Variants in FAM171A1 observed in about 807,000 individuals in gnomAD.
FAM171A1 encodes protein FAM171A1.
Under a neutral mutation model 74.9 loss-of-function variants are expected in FAM171A1, and 23 were observed. The observed-to-expected ratio is 0.31, with a 90% CI of 0.22 to 0.44. The LOEUF is 0.44. Ranked by LOEUF, FAM171A1 falls within the 20% of genes least tolerant of loss-of-function variation. The pLI, the probability that FAM171A1 is intolerant of heterozygous loss-of-function variation, is 1.00. For missense variants in FAM171A1, 1,162 were observed against 1,159.2 expected, an observed-to-expected ratio of 1.00 and a Z score of -0.03; for synonymous variants, 527 against 505.7, an observed-to-expected ratio of 1.04 and a Z score of -0.57.
intron 3 of FAM171A1, among the ~76,000 whole-genome samples, chr10:15,255,581 A>G (rs1834569056): frequency 1.3e-5 from 2 of 152,062 alleles, no homozygotes; most frequent in South Asian, 4.1e-4. Flanking sequence ...TTGGGCTGAC[A>G]GGCCCTAGAC....
intron 1 of FAM171A1, among the ~76,000 whole-genome samples, chr10:15,348,765 G>A (rs1000027271): frequency 5.3e-5 from 8 of 152,194 alleles, no homozygotes; most frequent in East Asian, 1.9e-4. Context: ...GCTTCGTGAC[G>A]CAGTTGAGCA....
Position 15,213,014 on chromosome 10 carries a change from C to G in FAM171A1, c.2574G>C (p.Glu858Asp). The change falls in exon 8 of 8, where the codon GAG (glutamate) becomes GAC (aspartate). Residue 858 changes from glutamate (E) to aspartate (D), a missense_variant. Physicochemically the swap from Glu to Asp is conservative, Grantham distance 45. Transcript: ENST00000378116. The surrounding 1 kb of genome is among the most constrained non-coding windows in gnomAD (Gnocchi z 6.8). The part of the protein sequence containing the change: ...ASPHQRRSAH[E>D]EEEDDDDDDQ... ...CATCATCATCATCGTCTTCCTCTTCCTCGTGGGCAGATCTTCTCTGGTGGG... is the reference window on the plus strand; with the variant it reads ...CATCATCATCATCGTCTTCCTCTTCGTCGTGGGCAGATCTTCTCTGGTGGG... 1 of 1,614,062 alleles carries G rather than the reference C, an allele frequency of 6.2e-7. No individual in the cohort carries two copies.
At chr10:15,287,851 T>C (rs1039347005) in intron 1 of FAM171A1, among the ~76,000 whole-genome samples, 2 of 152,198 alleles carry the variant, frequency 1.3e-5, no homozygotes, top group African/African-American at 4.8e-5. Context: ...TCTGAGATTC[T>C]GGTGCGCCCA....
rs10533763 is a variant in FAM171A1, at chr10:15,284,417, C to CGT, written c.98-314_98-313dup. 1.5e-3 allele frequency among the ~76,000 whole-genome samples: 221 copies of CGT among 150,452 alleles called. 1 individual carries two copies. The highest frequency in any genetic ancestry group is 3.8e-3 in the Admixed American group (57 of 15,118). ...ACATTGGGCAACCAATGCAATACTTCGTGTGTGTGTGTGTGTGTGTGTTTT... is the reference window on the plus strand; with the variant it reads ...ACATTGGGCAACCAATGCAATACTTCGTGTGTGTGTGTGTGTGTGTGTGTTTT... On this transcript the variant is annotated intron_variant, in intron 1 of 7. Transcript: ENST00000378116.
chr10:15,220,854 C>A, intron 6 of FAM171A1, 90 bp downstream of exon 6: 1 of 911,534 alleles, frequency 1.1e-6, no homozygotes, highest in Non-Finnish European at 1.7e-6. Flanking sequence ...GATCGCCCTG[C>A]TGAAGTTATT....
At chr10:15,302,756 C>T (rs966204664) in intron 1 of FAM171A1, among the ~76,000 whole-genome samples, 2 of 152,138 alleles carry the variant, frequency 1.3e-5, no homozygotes, top group African/African-American at 4.8e-5. Flanking sequence ...TTGCCAGTTG[C>T]CACTCATTTA....
At chr10:15,243,347 T>C (rs1397717427) in intron 5 of FAM171A1, among the ~76,000 whole-genome samples, 1 of 152,046 alleles carries the variant, frequency 6.6e-6, no homozygotes, top group Non-Finnish European at 1.5e-5. Context: ...AGATTCTTCA[T>C]CACTTCCACC....
intron 3 of FAM171A1, among the ~76,000 whole-genome samples, chr10:15,267,414 C>G (rs182316268): frequency 1.3e-5 from 2 of 152,016 alleles, no homozygotes; most frequent in Admixed American, 1.3e-4. Flanking sequence ...GCCATCCTGG[C>G]CAACATGGTG....
Position 15,214,430 on chromosome 10 carries a change from C to A in FAM171A1, c.1158G>T (p.Glu386Asp). 2 of 1,614,136 alleles carry A rather than the reference C, an allele frequency of 1.2e-6. No individual in the cohort carries two copies. Among genetic ancestry groups the A allele is most frequent in the South Asian group, 2.2e-5 (2 of 91,058 alleles). ...TCATCAGTTCCTTCGTGCCGGGGGCCTCGGGGCGGCCGTGGCTGGTGACGG... is the reference window on the plus strand; with the variant it reads ...TCATCAGTTCCTTCGTGCCGGGGGCATCGGGGCGGCCGTGGCTGGTGACGG... ...PLSVTSHGRP[E>D]APGTKELMSG... is the part of the protein sequence containing the mutation. Residue 386 changes from glutamate (E) to aspartate (D), a missense_variant, in exon 8 of 8, where the codon GAG becomes GAT. By Grantham distance (45) the Glu-to-Asp change is conservative. Transcript: ENST00000378116.
intron 5 of FAM171A1, among the ~76,000 whole-genome samples, chr10:15,223,270 G>T (rs74370321): frequency 9.2e-5 from 14 of 152,320 alleles, no homozygotes; most frequent in Non-Finnish European, 1.8e-4. Context: ...TCCTACTCCC[G>T]CTCCAGGCTT....
At chr10:15,255,912 T>C (rs953571630) in intron 3 of FAM171A1, among the ~76,000 whole-genome samples, 1 of 152,098 alleles carries the variant, frequency 6.6e-6, no homozygotes, top group Non-Finnish European at 1.5e-5. Flanking sequence ...CCTCCCAAAG[T>C]GTTGGGATTA....
intron 1 of FAM171A1, among the ~76,000 whole-genome samples, chr10:15,328,795 A>G (rs901052345): frequency 5.3e-5 from 8 of 152,296 alleles, no homozygotes; most frequent in African/African-American, 1.9e-4. Flanking sequence ...TTTAGGCCCC[A>G]CCAAATACAG....
intron 5 of FAM171A1, among the ~76,000 whole-genome samples, chr10:15,222,088 A>G (rs1834045800): frequency 1.3e-5 from 2 of 152,138 alleles, no homozygotes; most frequent in African/African-American, 2.4e-5. Context: ...AGGCTGGGCG[A>G]ACCTCTAGAC....
At chr10:15,335,635 C>T (rs1588560107) in intron 1 of FAM171A1, among the ~76,000 whole-genome samples, 2 of 152,162 alleles carry the variant, frequency 1.3e-5, no homozygotes, top group African/African-American at 4.8e-5. Context: ...AATAAAGATG[C>T]TGAACTTGTT....
At chr10:15,351,173 G>C (rs1835872146) in intron 1 of FAM171A1, among the ~76,000 whole-genome samples, 1 of 152,124 alleles carries the variant, frequency 6.6e-6, no homozygotes, top group Non-Finnish European at 1.5e-5. Flanking sequence ...TTTTATCTTT[G>C]CTCAGATCAG....
chr10:15,324,912 G>A (rs932733315), intron 1 of FAM171A1, among the ~76,000 whole-genome samples: 6 of 152,198 alleles, frequency 3.9e-5, no homozygotes, highest in African/African-American at 1.4e-4. Context: ...AGAAACATGT[G>A]CAGTGACTCG....
chr10:15,368,173 C>A (rs1836089037), intron 1 of FAM171A1, among the ~76,000 whole-genome samples: 1 of 152,214 alleles, frequency 6.6e-6, no homozygotes, highest in South Asian at 2.1e-4. Flanking sequence ...ACAAAGCCAA[C>A]CCTTACCGTG....
In FAM171A1 at chr10:15,366,212, C is replaced by T. The variant is rs1212000132; in HGVS notation, c.97+4744G>A. Among the ~76,000 whole-genome samples the T allele has an allele frequency of 4.6e-5, 7 of 152,094 alleles. No individual in the cohort carries two copies. In the East Asian group the frequency reaches 1.3e-3, roughly 29 times the overall value. On this transcript the variant is annotated intron_variant, in intron 1 of 7. Coordinates refer to ENST00000378116, the MANE Select transcript of FAM171A1 (RefSeq NM_001010924.2). Reference sequence around the variant, plus strand: ...TCTACTCACTACAACCTCTGCCTCCCGAGTTCAAGCAATTGTCCTGCCTTA... The same window carrying T: ...TCTACTCACTACAACCTCTGCCTCCTGAGTTCAAGCAATTGTCCTGCCTTA...
At chr10:15,347,256 C>T (rs919975638) in intron 1 of FAM171A1, among the ~76,000 whole-genome samples, 1 of 152,108 alleles carries the variant, frequency 6.6e-6, no homozygotes, top group Non-Finnish European at 1.5e-5. Context: ...TGATAACAGT[C>T]GAACTCCATT....
Sources: allele counts gnomAD v4.1 joint callset (sites outside exome capture counted in the v4.1 genomes callset), GRCh38; gene constraint gnomAD v4.1.1; non-coding constraint Gnocchi (gnomAD v3.1); transcripts MANE v1.5; gene names NCBI Gene and HGNC (gene_info 2026-07-23, HGNC 2026-07-21).